The following NDEL1 variants were observed in gnomAD, a reference collection of about 807,000 sequenced individuals.
NDEL1 encodes the protein nuclear distribution protein nudE-like 1.
NDEL1 carries 9 observed loss-of-function variants against 45.7 expected under a neutral mutation model. That is an observed-to-expected ratio of 0.20 (90% CI 0.12 to 0.34). The LOEUF (loss-of-function observed/expected upper bound fraction) is 0.34, where lower values mean the gene tolerates loss of function less well. Among genes scored for constraint, NDEL1 ranks in the 10% least tolerant of loss-of-function variants. NDEL1 has a pLI of 1.00. For synonymous variants in NDEL1, 133 were observed against 158.6 expected (o/e 0.84, Z 1.21); for missense variants, 306 against 406.2 (o/e 0.75, Z 2.12).
rs1282932707 is a variant in NDEL1, at chr17:8,444,264, T to C, written c.-8T>C. The C allele has an allele frequency of 1.9e-6, 3 of 1,596,464 alleles. No individual in the cohort carries two copies. Among genetic ancestry groups the C allele is most frequent in the Admixed American group, 3.4e-5 (2 of 59,074 alleles). On this transcript the variant is annotated 5_prime_UTR_variant, in exon 2 of 9. Coordinates refer to ENST00000334527, the MANE Select transcript of NDEL1 (RefSeq NM_030808.5). ...TTTGTCTTTAATATTTCACAGGCTT[T>C]CTTGATCATGGATGGTGAAGATATA...
chr17:8,419,410 A>G (rs1908649028), intron 1 of NDEL1, among the ~76,000 whole-genome samples: 1 of 152,238 alleles, frequency 6.6e-6, no homozygotes, highest in Non-Finnish European at 1.5e-5. Flanking sequence ...ATATACTTAT[A>G]AAAAGAAAAG....
chr17:8,457,829 AG>A lies in NDEL1; in HGVS notation c.793-2179del, dbSNP rs1022170946. ...TAAATCTTTATTTCTCCTGTATTTC[AG>A]CCTTTTACTATATATGCGTTAATAT... On this transcript the variant is annotated intron_variant, in intron 7 of 8. Transcript: ENST00000334527. 3.5e-3 allele frequency among the ~76,000 whole-genome samples: 14 copies of A among 4,034 alleles called. No homozygotes were observed. In the Non-Finnish European group the frequency reaches 0.21, roughly 60 times the overall value. The allele number at this position is 4,034 out of a possible 152,430, so 2.6% of individuals were successfully genotyped here.
downstream of NDEL1, among the ~76,000 whole-genome samples, chr17:8,469,447 G>C (rs759228404): frequency 2.0e-5 from 3 of 152,130 alleles, no homozygotes; most frequent in Non-Finnish European, 2.9e-5. Context: ...CTCTTATCCA[G>C]ACTGTTCTGC....
rs193013803 is a variant in NDEL1, at chr17:8,422,943, C to G, written c.-13+9674C>G. On this transcript the variant is annotated intron_variant, in intron 1 of 4. Transcript: ENST00000582812. ...TAGAGACAGGGTTTCATCATGTTGGCTGGTCTTGAACTCCTGACCTCGTGA... is the reference window on the plus strand; with the variant it reads ...TAGAGACAGGGTTTCATCATGTTGGGTGGTCTTGAACTCCTGACCTCGTGA... Among the ~76,000 whole-genome samples, 728 of 152,050 alleles carry G rather than the reference C, an allele frequency of 4.8e-3. 6 individuals carry two copies. The highest frequency in any genetic ancestry group is 0.017 in the African/African-American group (693 of 41,464).
chr17:8,430,491 CT>C (rs1358272467), intron 1 of NDEL1, among the ~76,000 whole-genome samples: 1 of 152,146 alleles, frequency 6.6e-6, no homozygotes, highest in African/African-American at 2.4e-5. Context: ...AGGGTTCGGG[CT>C]TGTACCCAGA....
chr17:8,417,632 A>G (rs1396322767), intron 1 of NDEL1, among the ~76,000 whole-genome samples: 2 of 152,164 alleles, frequency 1.3e-5, no homozygotes, highest in African/African-American at 2.4e-5. Context: ...AATGATTGGG[A>G]ACCCCCCAGA....
At chr17:8,462,395 TC>T (rs1911265453) in intron 8 of NDEL1, among the ~76,000 whole-genome samples, 2 of 152,166 alleles carry the variant, frequency 1.3e-5, no homozygotes, top group South Asian at 4.1e-4. Context: ...TGAGGATAAC[TC>T]TTTTGTGGGT....
chr17:8,451,191 T>G lies in NDEL1; in HGVS notation c.700+238T>G, dbSNP rs77242710. Among the ~76,000 whole-genome samples the G allele has an allele frequency of 5.3e-3, 805 of 152,324 alleles. 48 individuals are homozygous for G. The East Asian group carries it at 0.13, about 25-fold the overall frequency. On this transcript the variant is annotated intron_variant, in intron 6 of 8. Coordinates refer to ENST00000334527, the MANE Select transcript of NDEL1 (RefSeq NM_030808.5). ...AAAAGTTAAAGGTTTTTAAGGAAAG[T>G]TTATTTTTTGATGATAGCAATAGAT... is the stretch of plus-strand genomic sequence containing the variant.
In NDEL1 at chr17:8,446,894, A is replaced by T; in HGVS notation, c.381A>T (p.Arg127=). 6.2e-7 allele frequency: 1 copy of T among 1,613,976 alleles called. No homozygotes were observed. Among genetic ancestry groups the T allele is most frequent in the Non-Finnish European group, 8.5e-7 (1 of 1,179,918 alleles). Residue 127 remains arginine (R), a synonymous_variant, in exon 4 of 9, where the codon CGA becomes CGT. Transcript: ENST00000334527. ...ELEQANDDLE[R]AKRATIVSLE... is the part of the protein sequence containing the mutation. Reference sequence around the variant, plus strand: ...AGCAGGCCAACGACGACCTGGAGCGAGCCAAAAGGTAAACGAATGACTGCA... The same window carrying T: ...AGCAGGCCAACGACGACCTGGAGCGTGCCAAAAGGTAAACGAATGACTGCA...
chr17:8,452,983 C>T (rs534031444), intron 6 of NDEL1, among the ~76,000 whole-genome samples: 16 of 152,262 alleles, frequency 1.1e-4, no homozygotes, highest in African/African-American at 3.4e-4. Flanking sequence ...AGGTGATCCA[C>T]CCACCTCAGC....
At chr17:8,442,744 A>G (rs1411335294) in intron 1 of NDEL1, among the ~76,000 whole-genome samples, 2 of 146,332 alleles carry the variant, frequency 1.4e-5, no homozygotes, top group East Asian at 3.9e-4. Flanking sequence ...ATAAACTCCA[A>G]GTTCTATGCA....
At chr17:8,472,074 T>C (rs1477424002), downstream of NDEL1, among the ~76,000 whole-genome samples, 1 of 151,774 alleles carries the variant, frequency 6.6e-6, no homozygotes, top group South Asian at 2.1e-4. Context: ...TTTTTGGGAG[T>C]GAAGGAAGAG....
At chr17:8,416,450 A>G (rs1908547378) in intron 1 of NDEL1, among the ~76,000 whole-genome samples, 1 of 152,172 alleles carries the variant, frequency 6.6e-6, no homozygotes, top group Non-Finnish European at 1.5e-5. Flanking sequence ...TTGATTTAGA[A>G]TACTTGTTGG....
At chr17:8,434,486 C>T (rs771200376), upstream of NDEL1, among the ~76,000 whole-genome samples, 16 of 151,994 alleles carry the variant, frequency 1.1e-4, no homozygotes, top group Non-Finnish European at 2.1e-4. Flanking sequence ...CAAAGTGCTG[C>T]AGCGCCTGGC....
At chr17:8,428,924 T>C (rs192431670) in intron 1 of NDEL1, among the ~76,000 whole-genome samples, 5,480 of 151,810 alleles carry the variant, frequency 0.036, 130 homozygotes, top group Non-Finnish European at 0.053. Context: ...CTGCCTGCCT[T>C]GGCCTCCCAA....
chr17:8,471,584 C>T (rs753015798), downstream of NDEL1, among the ~76,000 whole-genome samples: 15 of 152,288 alleles, frequency 9.8e-5, no homozygotes, highest in Middle Eastern at 3.4e-3. Context: ...TCCAGTCAGC[C>T]GGAATGGAGC....
intron 6 of NDEL1, among the ~76,000 whole-genome samples, chr17:8,454,524 T>C (rs1301083851): frequency 1.3e-5 from 2 of 152,168 alleles, no homozygotes; most frequent in Non-Finnish European, 2.9e-5. Flanking sequence ...GCAGTTCTAT[T>C]TTTAGGAATC....
intron 5 of NDEL1, among the ~76,000 whole-genome samples, chr17:8,450,204 G>T (rs916343358): frequency 2.0e-5 from 3 of 151,410 alleles, no homozygotes; most frequent in South Asian, 4.2e-4. Context: ...CAGGAGAATC[G>T]CTTGAACCCA....
upstream of NDEL1, among the ~76,000 whole-genome samples, chr17:8,434,610 A>G (rs1160855774): frequency 6.6e-6 from 1 of 152,060 alleles, no homozygotes; most frequent in African/African-American, 2.4e-5. Flanking sequence ...TTTAAAATGT[A>G]TCTCTTCCTT....
Sources: gnomAD v4.1 joint callset for allele counts (sites outside exome capture counted in the v4.1 genomes callset) on GRCh38, gnomAD v4.1.1 for gene constraint, MANE v1.5 for transcripts, NCBI Gene and HGNC (gene_info 2026-07-23, HGNC 2026-07-21) for gene names.